The following OGDH variants were observed in gnomAD, a reference collection of about 807,000 sequenced individuals.
OGDH encodes the protein oxoglutarate dehydrogenase, also known as 2-oxoglutarate dehydrogenase complex component E1.
OGDH carries 38 observed loss-of-function variants against 116.6 expected under a neutral mutation model. That is an observed-to-expected ratio of 0.33 (90% CI 0.25 to 0.43). The LOEUF (loss-of-function observed/expected upper bound fraction) is 0.43, where lower values mean the gene tolerates loss of function less well. Ranked by LOEUF, OGDH falls within the 20% of genes least tolerant of loss-of-function variation. OGDH has a pLI of 1.00. For missense variants in OGDH, 825 were observed against 1,357.2 expected, an observed-to-expected ratio of 0.61 and a Z score of 6.16; for synonymous variants, 488 against 533.3, an observed-to-expected ratio of 0.92 and a Z score of 1.17.
At chr7:44,656,214 T>A (rs1786684048) in intron 4 of OGDH, 1 of 1,081,476 alleles carries the variant, frequency 9.2e-7, no homozygotes, top group Admixed American at 2.0e-5. Flanking sequence ...TACCTGTTAC[T>A]GTGGTAATGG....
Position 44,610,237 on chromosome 7 carries a change from G to T in OGDH, c.-28+3584G>T, listed in dbSNP as rs138344722. Among the ~76,000 whole-genome samples, 430 of 151,930 alleles carry T rather than the reference G, an allele frequency of 2.8e-3. 1 individual carries two copies. The highest frequency in any genetic ancestry group is 0.01 in the African/African-American group (415 of 41,496). On this transcript the variant is annotated intron_variant, in intron 1 of 22. Transcript: ENST00000222673. ...AATGTATTCTAGATACCACTGCTTT[G>T]TTGGATATGTAGTTTGCAGATATTT...
At chr7:44,660,372 AT>A in intron 4 of OGDH, among the ~76,000 whole-genome samples, 1 of 151,986 alleles carries the variant, frequency 6.6e-6, no homozygotes, top group Admixed American at 6.6e-5. Context: ...ACCCCTTGAT[AT>A]TTTGTCTTTG....
rs112189415 is a variant in OGDH at position 44,654,533 on chromosome 7, A to G, written c.517+6774A>G. Among the ~76,000 whole-genome samples, 1,064 of 152,302 alleles carry G rather than the reference A, an allele frequency of 7.0e-3. 10 individuals carry two copies. The highest frequency in any genetic ancestry group is 0.024 in the African/African-American group (1,004 of 41,558). On this transcript the variant is annotated intron_variant, in intron 4 of 22. Transcript: ENST00000222673. ...AATTAGCTTTTGTAATTTCAGAGTG[A>G]TATAGAGCAGTTCATTTAGTAAGCA...
chr7:44,691,189 A>G (rs1005035167), intron 10 of OGDH, among the ~76,000 whole-genome samples: 4 of 152,070 alleles, frequency 2.6e-5, no homozygotes, highest in African/African-American at 9.7e-5. Context: ...CCTTCCAGAA[A>G]TTTCACCTAA....
chr7:44,697,199 T>G lies in OGDH; in HGVS notation c.2051+135T>G. The G allele has an allele frequency of 6.9e-7, 1 of 1,445,842 alleles. No individual in the cohort carries two copies. Among genetic ancestry groups the G allele is most frequent in the Non-Finnish European group, 9.4e-7 (1 of 1,062,408 alleles). The allele number at this position is 1,445,842 out of a possible 1,614,324, so 89.6% of individuals were successfully genotyped here. On this transcript the variant is annotated intron_variant, in intron 15 of 22. Transcript: ENST00000222673. The surrounding 1 kb of genome is among the most constrained non-coding windows in gnomAD (Gnocchi z 6.0). ...CTCTCAGGCTGAAAACCTCTGTCCCTCATTTGCTATGGGTGCTTCTGTTAA... is the reference window on the plus strand; with the variant it reads ...CTCTCAGGCTGAAAACCTCTGTCCCGCATTTGCTATGGGTGCTTCTGTTAA...
In OGDH at chr7:44,696,956, A is replaced by G; in HGVS notation, c.1943A>G (p.Asn648Ser). The change falls in exon 15 of 23, where the codon AAC becomes AGC. Residue 648 changes from asparagine to serine, a missense_variant. Around this residue, in one of 7 missense-constraint regions of OGDH, gnomAD observed 92 missense variants for 129.7 expected, o/e 0.71. Transcript: ENST00000222673. ...AAGACTCGTGGGGAAATGGTGAAGA[A>G]CCGGACTGTGGACTGGGCTCTAGCG... ...ILKTRGEMVK[N>S]RTVDWALAEY... 6.2e-7 allele frequency: 1 copy of G among 1,614,130 alleles called. No homozygotes were observed. Among genetic ancestry groups the G allele is most frequent in the South Asian group, 1.1e-5 (1 of 91,068 alleles).
At chr7:44,674,267 A>C in intron 6 of OGDH, 144 bp from the exon 7 acceptor site, 1 of 935,104 alleles carries the variant, frequency 1.1e-6, no homozygotes, top group Non-Finnish European at 1.6e-6. Context: ...CTGGTCTCGA[A>C]CTCCTGACCT....
chr7:44,637,852 A>G (rs1785743010), intron 2 of OGDH, among the ~76,000 whole-genome samples: 1 of 151,904 alleles, frequency 6.6e-6, no homozygotes, highest in Non-Finnish European at 1.5e-5. Context: ...ATTTTTTGAC[A>G]TGGTACATCC....
At chr7:44,656,178 G>T in intron 4 of OGDH, 1 of 732,376 alleles carries the variant, frequency 1.4e-6, no homozygotes, top group South Asian at 1.6e-5. Context: ...TGATGTGTGT[G>T]TGTGTCCCTG....
intron 13 of OGDH, 125 bp from the exon 14 acceptor site, chr7:44,696,304 T>C: frequency 7.8e-7 from 1 of 1,278,220 alleles, no homozygotes; most frequent in Non-Finnish European, 1.1e-6. Flanking sequence ...TAATGTTTTC[T>C]GGGGAACACA....
chr7:44,658,341 T>G (rs948833762), intron 4 of OGDH, among the ~76,000 whole-genome samples: 2 of 152,168 alleles, frequency 1.3e-5, no homozygotes, highest in Admixed American at 6.5e-5. Flanking sequence ...CACTTAACTA[T>G]TATTTTCTTT....
At chr7:44,672,638 T>G (rs35951354) in intron 5 of OGDH, among the ~76,000 whole-genome samples, 13 of 139,524 alleles carry the variant, frequency 9.3e-5, no homozygotes, top group Non-Finnish European at 1.8e-4. Flanking sequence ...TTTCTTTTTG[T>G]TTTTTGTTTT....
intron 2 of OGDH, among the ~76,000 whole-genome samples, chr7:44,641,059 A>G (rs1399960877): frequency 6.7e-6 from 1 of 149,314 alleles, no homozygotes; most frequent in Non-Finnish European, 1.5e-5. Context: ...ACCCCCAGCT[A>G]ATTTTTGTAT....
intron 1 of OGDH, 109 bp from the exon 2 acceptor site, chr7:44,624,208 A>T (rs891034078): frequency 5.2e-5 from 37 of 715,960 alleles, no homozygotes; most frequent in Admixed American, 8.7e-5. Context: ...AGTAGCTTTT[A>T]AAAAAAAATT....
intron 1 of OGDH, among the ~76,000 whole-genome samples, chr7:44,608,664 C>T (rs1228449174): frequency 2.6e-5 from 4 of 151,668 alleles, no homozygotes; most frequent in Middle Eastern, 3.4e-3. Context: ...GAGGTTGCAG[C>T]GAGTCGAGAT....
At chr7:44,651,012 A>G (rs1010758767) in intron 4 of OGDH, among the ~76,000 whole-genome samples, 3 of 152,238 alleles carry the variant, frequency 2.0e-5, no homozygotes, top group African/African-American at 7.2e-5. Flanking sequence ...GTTGGAACAT[A>G]GCCTTTGGTG....
At chr7:44,696,787 C>A in intron 14 of OGDH, 127 bp from the exon 15 acceptor site, 2 of 1,308,864 alleles carry the variant, frequency 1.5e-6, no homozygotes, top group Non-Finnish European at 2.1e-6. Context: ...CACAGCTTTT[C>A]CAGCAAGTCA....
chr7:44,625,787 T>TA (rs1785179441), intron 2 of OGDH, among the ~76,000 whole-genome samples: 3 of 152,166 alleles, frequency 2.0e-5, no homozygotes, highest in Non-Finnish European at 4.4e-5. Context: ...GCTTTCCCTT[T>TA]AAGTATTAGT....
At chr7:44,696,784 T>C in intron 14 of OGDH, 130 bp from the exon 15 acceptor site, 3 of 1,299,658 alleles carry the variant, frequency 2.3e-6, no homozygotes, top group Non-Finnish European at 1.0e-6. Context: ...GGTCACAGCT[T>C]TTCCAGCAAG....
Sources: allele counts gnomAD v4.1 joint callset (sites outside exome capture counted in the v4.1 genomes callset), GRCh38; gene constraint gnomAD v4.1.1; regional missense constraint gnomAD v4.1.1; non-coding constraint Gnocchi (gnomAD v3.1); transcripts MANE v1.5; gene names NCBI Gene and HGNC (gene_info 2026-07-23, HGNC 2026-07-21).